Variants in DIP2C observed in about 807,000 individuals in gnomAD.
DIP2C encodes the protein DIP2 acetate--CoA ligase C (putative).
DIP2C carries 33 observed loss-of-function variants against 192.4 expected under a neutral mutation model. The observed-to-expected ratio is 0.17, with a 90% confidence interval of 0.13 to 0.23. The LOEUF (loss-of-function observed/expected upper bound fraction) is 0.23, where lower values mean the gene tolerates loss of function less well. Ranked by LOEUF, DIP2C falls within the 10% of genes least tolerant of loss-of-function variation. The pLI is 1.00. For missense variants in DIP2C, 1,537 were observed against 2,110.1 expected (o/e 0.73, Z 5.32); for synonymous variants, 979 against 864.1 (o/e 1.13, Z -2.33).
chr10:684,788 G>A lies in DIP2C; in HGVS notation c.85+4706C>T, dbSNP rs145450190. Among the ~76,000 whole-genome samples, 87 of 152,232 alleles carry A rather than the reference G, an allele frequency of 5.7e-4. No individual in the cohort carries two copies. The East Asian group carries it at 8.1e-3, about 14-fold the overall frequency. On this transcript the variant is annotated intron_variant, in intron 1 of 36. Coordinates refer to ENST00000280886, the MANE Select transcript of DIP2C (RefSeq NM_014974.3). ...CCTCTTTGGCGACAGCAACGTGCAG[G>A]CTGTGTGAAGACCATGTCTCTGTAC... is the stretch of plus-strand genomic sequence containing the variant.
At chr10:317,152 T>C (rs1458156269) in intron 31 of DIP2C, among the ~76,000 whole-genome samples, 2 of 152,214 alleles carry the variant, frequency 1.3e-5, no homozygotes, top group African/African-American at 4.8e-5. Context: ...GATCTGTATG[T>C]TGTCATCAGG....
chr10:674,825 G>C (rs527535329), intron 1 of DIP2C, among the ~76,000 whole-genome samples: 5 of 138,584 alleles, frequency 3.6e-5, no homozygotes, highest in African/African-American at 8.7e-5. Flanking sequence ...GAGAGAGAGA[G>C]AGAGACCAAC....
At chr10:381,564 A>G (rs1218779601) in intron 17 of DIP2C, among the ~76,000 whole-genome samples, 5 of 152,284 alleles carry the variant, frequency 3.3e-5, no homozygotes, top group Middle Eastern at 3.4e-3. Flanking sequence ...TCCTCCAGAC[A>G]CTGCACGGGA....
intron 29 of DIP2C, 116 bp from the exon 30 acceptor site, chr10:329,717 T>G: frequency 7.6e-7 from 1 of 1,308,742 alleles, no homozygotes; most frequent in Non-Finnish European, 1.0e-6. Context: ...GAACAGCCCG[T>G]GCTGCCATCT....
intron 4 of DIP2C, among the ~76,000 whole-genome samples, chr10:438,706 G>C (rs1967477033): frequency 6.6e-6 from 1 of 152,070 alleles, no homozygotes; most frequent in Non-Finnish European, 1.5e-5. Context: ...GCCCAGGCTG[G>C]TCTCAAACTC....
rs1454764682 is a variant in DIP2C, at chr10:548,745, TCA to T, written c.86-62217_86-62216del. ...GTGGAGCTTTCACGCTCGCACAACC[TCA>T]CAGACTGTGCCTGATTTATGGATGA... On this transcript the variant is annotated intron_variant, in intron 1 of 36. Transcript: ENST00000280886. Among the ~76,000 whole-genome samples the T allele has an allele frequency of 2.6e-5, 4 of 151,878 alleles. No individual in the cohort carries two copies. The East Asian group carries it at 5.8e-4, about 22-fold the overall frequency.
intron 1 of DIP2C, among the ~76,000 whole-genome samples, chr10:597,338 C>A (rs1851769462): frequency 6.6e-6 from 1 of 152,152 alleles, no homozygotes; most frequent in Non-Finnish European, 1.5e-5. Flanking sequence ...TGCAGCAAGC[C>A]TCCCCCTGGA....
chr10:300,442 A>C (rs1006897999), intron 32 of DIP2C, among the ~76,000 whole-genome samples: 4 of 152,232 alleles, frequency 2.6e-5, no homozygotes, highest in African/African-American at 9.6e-5. Context: ...TACCTAGAGT[A>C]GTCAAATTCA....
chr10:493,369 A>G (rs1163435380), intron 1 of DIP2C, among the ~76,000 whole-genome samples: 1 of 152,148 alleles, frequency 6.6e-6, no homozygotes, highest in Non-Finnish European at 1.5e-5. Context: ...TTCCCATGAC[A>G]TTGATTCTCA....
At chr10:283,877 T>A (rs1301659002) in intron 34 of DIP2C, among the ~76,000 whole-genome samples, 2 of 152,192 alleles carry the variant, frequency 1.3e-5, no homozygotes, top group Non-Finnish European at 2.9e-5. Flanking sequence ...TGGACATATA[T>A]TGCAATAAAA....
Position 390,056 on chromosome 10 carries a change from G to A in DIP2C, c.1532C>T (p.Thr511Met), listed in dbSNP as rs750697121. The A allele has an allele frequency of 3.7e-6, 6 of 1,613,988 alleles. No homozygotes were observed. Among genetic ancestry groups the A allele is most frequent in the Admixed American group, 1.7e-5 (1 of 60,002 alleles). The change falls in exon 13 of 37, where the codon ACG (threonine) becomes ATG (methionine). Residue 511 changes from threonine (T) to methionine (M), a missense_variant. Thr to Met is a moderately conservative substitution (Grantham distance 81). Coordinates refer to ENST00000280886, the MANE Select transcript of DIP2C (RefSeq NM_014974.3). ...TGTCAGCAGCGCAGTCCTCGTCACC[G>A]TCACACCCAGCACACTGCCATCCTT... Reference protein sequence around the residue: ...TCKDGSVLGVTVTRTALLTHC... With the variant: ...TCKDGSVLGVMVTRTALLTHC...
intron 3 of DIP2C, among the ~76,000 whole-genome samples, chr10:455,621 C>T (rs34462029): frequency 1.6e-3 from 57 of 36,658 alleles, no homozygotes; most frequent in African/African-American, 2.0e-3. Flanking sequence ...CCGTGAGGAG[C>T]AAATGAGATG....
intron 31 of DIP2C, among the ~76,000 whole-genome samples, chr10:323,708 T>C (rs1289671820): frequency 6.6e-6 from 1 of 152,206 alleles, no homozygotes; most frequent in East Asian, 1.9e-4. Flanking sequence ...TATTTTCTGA[T>C]TTTGTTTTCT....
intron 26 of DIP2C, among the ~76,000 whole-genome samples, chr10:347,750 CCT>C: frequency 7.5e-6 from 1 of 133,070 alleles, no homozygotes; most frequent in Non-Finnish European, 1.6e-5. Context: ...TCCCGGAAAC[CCT>C]ACATACACCC....
At chr10:387,713 T>C (rs1302267526) in intron 14 of DIP2C, 32 bp downstream of exon 14, 1 of 1,602,956 alleles carries the variant, frequency 6.2e-7, no homozygotes, top group East Asian at 2.3e-5. Flanking sequence ...GACTCCTTTG[T>C]GGACAGACAC....
intron 1 of DIP2C, among the ~76,000 whole-genome samples, chr10:582,631 T>C (rs1281017718): frequency 1.3e-5 from 2 of 151,988 alleles, no homozygotes; most frequent in African/African-American, 2.4e-5. Context: ...TGCGTTTAGG[T>C]GGAGGAAACA....
At chr10:514,966 A>G (rs1254494011) in intron 1 of DIP2C, among the ~76,000 whole-genome samples, 1 of 152,204 alleles carries the variant, frequency 6.6e-6, no homozygotes, top group Non-Finnish European at 1.5e-5. Context: ...AACTTCTTTT[A>G]TACAAGCTAA....
intron 31 of DIP2C, among the ~76,000 whole-genome samples, chr10:315,243 T>C (rs1956726949): frequency 6.6e-6 from 1 of 152,240 alleles, no homozygotes; most frequent in Non-Finnish European, 1.5e-5. Context: ...TTAATACTTT[T>C]AAAACAAACT....
At chr10:419,339 G>C in intron 5 of DIP2C, 140 bp from the exon 6 acceptor site, 1 of 1,206,822 alleles carries the variant, frequency 8.3e-7, no homozygotes, top group Non-Finnish European at 1.2e-6. Flanking sequence ...GATCTCAGCC[G>C]CATCTGCCAC....
Sources: gnomAD v4.1 joint callset for allele counts (sites outside exome capture counted in the v4.1 genomes callset) on GRCh38, gnomAD v4.1.1 for gene constraint, MANE v1.5 for transcripts, NCBI Gene and HGNC (gene_info 2026-07-23, HGNC 2026-07-21) for gene names.